The following TLL1 variants were observed in gnomAD, a reference collection of about 807,000 sequenced individuals.
TLL1 encodes the protein tolloid like 1, also known as tolloid-like protein 1.
TLL1 carries 49 observed loss-of-function variants against 128.2 expected under a neutral mutation model. That is an observed-to-expected ratio of 0.38 (90% confidence interval 0.30 to 0.48). The LOEUF (loss-of-function observed/expected upper bound fraction) is 0.48. TLL1 is among the 20% of genes least tolerant of loss of function. The pLI is 0.96. For synonymous variants in TLL1, 454 were observed against 418.8 expected, an observed-to-expected ratio of 1.08 and a Z score of -1.03; for missense variants, 1,123 against 1,242.0, an observed-to-expected ratio of 0.90 and a Z score of 1.44.
chr4:165,892,548 GT>G (rs200810776), intron 1 of TLL1, among the ~76,000 whole-genome samples: 1 of 151,696 alleles, frequency 6.6e-6, no homozygotes, highest in Non-Finnish European at 1.5e-5. Flanking sequence ...TGCCATTAAT[GT>G]TTTTTTTGAG....
intron 5 of TLL1, among the ~76,000 whole-genome samples, chr4:166,002,105 C>T (rs1167145555): frequency 6.6e-6 from 1 of 152,088 alleles, no homozygotes; most frequent in Non-Finnish European, 1.5e-5. Flanking sequence ...TCTCACAGTT[C>T]TGGAGACGCG....
intron 1 of TLL1, among the ~76,000 whole-genome samples, chr4:165,946,459 A>G (rs185731404): frequency 1.7e-4 from 26 of 151,466 alleles, no homozygotes; most frequent in African/African-American, 6.3e-4. Flanking sequence ...CAACCTCCCA[A>G]GTAGCTGGGA....
intron 18 of TLL1, 66 bp downstream of exon 18, chr4:166,078,096 G>A: frequency 5.0e-6 from 8 of 1,604,364 alleles, no homozygotes; most frequent in Non-Finnish European, 6.8e-6. Context: ...ACAAGCACTT[G>A]GAAATAAAAT....
At chr4:165,914,110 T>C (rs1329547768) in intron 1 of TLL1, among the ~76,000 whole-genome samples, 2 of 152,130 alleles carry the variant, frequency 1.3e-5, no homozygotes, top group Non-Finnish European at 2.9e-5. Context: ...CATCAAGAAA[T>C]GATGTTTAAA....
chr4:165,998,126 T>A (rs77587902), intron 5 of TLL1, among the ~76,000 whole-genome samples: 2,298 of 152,300 alleles, frequency 0.015, 78 homozygotes, highest in East Asian at 0.15. Context: ...ACGAAGTATT[T>A]TTCAGTGAAC....
At chr4:165,916,899 A>G (rs1688944225) in intron 1 of TLL1, among the ~76,000 whole-genome samples, 1 of 152,140 alleles carries the variant, frequency 6.6e-6, no homozygotes, top group African/African-American at 2.4e-5. Flanking sequence ...TAATGATGAA[A>G]AAAGGCATTT....
chr4:165,890,284 A>T (rs1731340021), intron 1 of TLL1, among the ~76,000 whole-genome samples: 1 of 152,138 alleles, frequency 6.6e-6, no homozygotes, highest in Admixed American at 6.6e-5. Context: ...TCATTCTGCC[A>T]CTGGCCCCTC....
chr4:166,053,655 TC>T (rs1338483245), intron 12 of TLL1, among the ~76,000 whole-genome samples: 1 of 152,220 alleles, frequency 6.6e-6, no homozygotes, highest in Non-Finnish European at 1.5e-5. Flanking sequence ...AACATATTTT[TC>T]TACCAACTAT....
intron 1 of TLL1, among the ~76,000 whole-genome samples, chr4:165,951,433 G>T (rs977155504): frequency 3.9e-5 from 6 of 152,062 alleles, no homozygotes; most frequent in African/African-American, 1.4e-4. Context: ...CAAAAAGTCT[G>T]TCTTGGTCAT....
intron 1 of TLL1, among the ~76,000 whole-genome samples, chr4:165,942,848 C>A (rs1228189517): frequency 6.6e-6 from 1 of 151,910 alleles, no homozygotes; most frequent in East Asian, 1.9e-4. Context: ...TATATGGAGA[C>A]TTTTCATGTA....
intron 1 of TLL1, among the ~76,000 whole-genome samples, chr4:165,909,995 C>G (rs1380584): frequency 0.2 from 29,814 of 151,914 alleles, 3,551 homozygotes; most frequent in East Asian, 0.41. Context: ...CCAGAAGAAA[C>G]TAGAGAAAAG....
At chr4:165,954,869 G>A (rs989382516) in intron 1 of TLL1, among the ~76,000 whole-genome samples, 5 of 152,074 alleles carry the variant, frequency 3.3e-5, no homozygotes, top group South Asian at 2.1e-4. Context: ...GATAATGAAC[G>A]CAAGAATTCT....
chr4:165,968,083 T>C lies in TLL1; in HGVS notation c.170-21298T>C, dbSNP rs569458223. 2.0e-5 allele frequency among the ~76,000 whole-genome samples: 3 copies of C among 152,282 alleles called. No homozygotes were observed. The South Asian group carries it at 6.2e-4, about 32-fold the overall frequency. ...AGTTGTTAAGAAAAATAAGTGCACA[T>C]ACAGTGCGGCTTTTCATCCCTTCTC... On this transcript the variant is annotated intron_variant, in intron 1 of 20. Coordinates refer to ENST00000061240, the MANE Select transcript of TLL1 (RefSeq NM_012464.5).
chr4:165,929,419 A>G (rs1733417352), intron 1 of TLL1, among the ~76,000 whole-genome samples: 1 of 152,038 alleles, frequency 6.6e-6, no homozygotes, highest in African/African-American at 2.4e-5. Context: ...CATGCCTGTA[A>G]TCCCAGCTAC....
intron 1 of TLL1, among the ~76,000 whole-genome samples, chr4:165,883,353 A>G (rs1731041646): frequency 6.6e-6 from 1 of 151,980 alleles, no homozygotes; most frequent in South Asian, 2.1e-4. Flanking sequence ...AGTTGGTTTA[A>G]AAATTATTTT....
intron 17 of TLL1, among the ~76,000 whole-genome samples, chr4:166,076,980 A>G (rs1741062288): frequency 6.6e-6 from 1 of 152,170 alleles, no homozygotes; most frequent in Admixed American, 6.5e-5. Context: ...CCCGAAGGGT[A>G]TAACAAGTGT....
intron 1 of TLL1, among the ~76,000 whole-genome samples, chr4:165,878,920 CTTTTTTTTTTTT>C (rs140447889): frequency 5.1e-4 from 31 of 60,460 alleles, no homozygotes; most frequent in African/African-American, 8.4e-4. Flanking sequence ...TGATGGCTTC[CTTTTTTTTTTTT>C]TTTTTTTTTT....
At chr4:166,044,476 G>C in intron 12 of TLL1, 2 of 1,475,036 alleles carry the variant, frequency 1.4e-6, no homozygotes, top group Non-Finnish European at 1.8e-6. Flanking sequence ...CCCCTTGCAT[G>C]TACCATTTAA....
chr4:165,919,336 T>G (rs552359211), intron 1 of TLL1, among the ~76,000 whole-genome samples: 1 of 142,420 alleles, frequency 7.0e-6, no homozygotes, highest in East Asian at 2.1e-4. Flanking sequence ...TAAGTGGTGA[T>G]CACACCACTG....
Sources: gnomAD v4.1 joint callset for allele counts (sites outside exome capture counted in the v4.1 genomes callset) on GRCh38, gnomAD v4.1.1 for gene constraint, MANE v1.5 for transcripts, NCBI Gene and HGNC (gene_info 2026-07-23, HGNC 2026-07-21) for gene names.